SLC1A2: variants seen among roughly 807,000 people sequenced by gnomAD.
SLC1A2 encodes solute carrier family 1 member 2.
SLC1A2 carries 15 observed loss-of-function variants against 48.8 expected under a neutral mutation model. That is an observed-to-expected ratio of 0.31 (90% CI 0.21 to 0.47). The LOEUF is 0.47. Among genes scored for constraint, SLC1A2 ranks in the 20% least tolerant of loss-of-function variants. The pLI is 0.99. For synonymous variants in SLC1A2, 279 were observed against 272.6 expected (o/e 1.02, Z -0.23); for missense variants, 502 against 730.5 (o/e 0.69, Z 3.61).
chr11:35,411,668 G>A (rs372433865), intron 1 of SLC1A2, among the ~76,000 whole-genome samples: 1 of 151,718 alleles, frequency 6.6e-6, no homozygotes. Context: ...ATCTGCAGCA[G>A]TTAGCTTTCC....
At chr11:35,317,567 C>A in intron 1 of SLC1A2, 51 bp from the exon 2 acceptor site, 2 of 1,579,296 alleles carry the variant, frequency 1.3e-6, no homozygotes, top group Admixed American at 1.7e-5. Flanking sequence ...CTCCCCTATA[C>A]AGTTTCAGGG....
intron 9 of SLC1A2, among the ~76,000 whole-genome samples, chr11:35,271,488 T>C (rs1850278315): frequency 6.6e-6 from 1 of 152,152 alleles, no homozygotes; most frequent in African/African-American, 2.4e-5. Flanking sequence ...TAAAGGAAAC[T>C]AGAAGAGTTT....
At chr11:35,282,235 G>A (rs531240658) in intron 8 of SLC1A2, among the ~76,000 whole-genome samples, 37 of 152,130 alleles carry the variant, frequency 2.4e-4, no homozygotes, top group Admixed American at 1.9e-3. Flanking sequence ...AAGGCTCAGA[G>A]CACTCCAATT....
chr11:35,275,344 T>C (rs1215283856), intron 9 of SLC1A2, among the ~76,000 whole-genome samples: 1 of 152,230 alleles, frequency 6.6e-6, no homozygotes, highest in African/African-American at 2.4e-5. Flanking sequence ...ATTTTCCTTT[T>C]CCTACCTGTA....
chr11:35,391,583 A>G (rs1025454191), intron 1 of SLC1A2: 1 of 152,242 alleles, frequency 6.6e-6, no homozygotes, highest in African/African-American at 2.4e-5. Flanking sequence ...GGGAGAACCA[A>G]TCAGCCCACC....
chr11:35,367,486 C>T (rs1435142972), intron 1 of SLC1A2, among the ~76,000 whole-genome samples: 3 of 152,220 alleles, frequency 2.0e-5, no homozygotes, highest in South Asian at 2.1e-4. Flanking sequence ...CCAAAGCAAA[C>T]TCCATTTTCC....
intron 1 of SLC1A2, among the ~76,000 whole-genome samples, chr11:35,356,241 C>T (rs1033689969): frequency 1.3e-5 from 2 of 152,178 alleles, no homozygotes; most frequent in African/African-American, 4.8e-5. Context: ...CCAAATTCAT[C>T]CTCACAAACT....
intron 1 of SLC1A2, among the ~76,000 whole-genome samples, chr11:35,410,668 G>C (rs1855430322): frequency 3.3e-5 from 5 of 152,064 alleles, no homozygotes. Flanking sequence ...GCCTTGCCCT[G>C]TACCGAGGGC....
At chr11:35,419,789 G>T (rs1374646850), upstream of SLC1A2, 3 of 320,282 alleles carry the variant, frequency 9.4e-6, no homozygotes, top group Non-Finnish European at 1.3e-5. This position sits in a 1 kb window ranked among gnomAD's most constrained non-coding sequence, Gnocchi z 5.4. Context: ...CACCCCGTGC[G>T]GGGTGAAGCG....
intron 1 of SLC1A2, among the ~76,000 whole-genome samples, chr11:35,329,270 A>G (rs561965029): frequency 1.3e-5 from 2 of 152,244 alleles, no homozygotes; most frequent in African/African-American, 2.4e-5. Context: ...AATACTTTGT[A>G]TGTTACTATA....
intron 1 of SLC1A2, among the ~76,000 whole-genome samples, chr11:35,412,946 C>A (rs1855507770): frequency 1.3e-5 from 2 of 151,886 alleles, no homozygotes; most frequent in South Asian, 4.2e-4. Context: ...ACAACCCAGA[C>A]CAAAGTTAAA....
chr11:35,402,784 G>A (rs191816656), intron 1 of SLC1A2, among the ~76,000 whole-genome samples: 15 of 152,260 alleles, frequency 9.9e-5, no homozygotes, highest in African/African-American at 2.6e-4. Context: ...GCCTGGTGTC[G>A]GGAAAGACAC....
intron 1 of SLC1A2, among the ~76,000 whole-genome samples, chr11:35,404,983 G>A (rs1773020497): frequency 6.6e-6 from 1 of 151,978 alleles, no homozygotes; most frequent in South Asian, 2.1e-4. Context: ...GGATGATGAG[G>A]ATAGCTTCAG....
chr11:35,279,574 C>CTACATATGTATGTACA (rs1371628088), intron 9 of SLC1A2, among the ~76,000 whole-genome samples: 1 of 152,172 alleles, frequency 6.6e-6, no homozygotes, highest in Non-Finnish European at 1.5e-5. Flanking sequence ...CCCCGTCTCC[C>CTACATATGTATGTACA]TACATACACC....
chr11:35,290,849 G>A (rs1850978746), intron 7 of SLC1A2, among the ~76,000 whole-genome samples: 1 of 151,934 alleles, frequency 6.6e-6, no homozygotes, highest in Admixed American at 6.5e-5. Context: ...AAAGAATCTA[G>A]ACCCTTAAGA....
chr11:35,276,868 T>A (rs1850457693), intron 9 of SLC1A2, among the ~76,000 whole-genome samples: 1 of 152,202 alleles, frequency 6.6e-6, no homozygotes, highest in Non-Finnish European at 1.5e-5. Context: ...TGTGTCTTAG[T>A]CTGTGCTGCT....
At chr11:35,281,104 C>T (rs1441422372) in intron 8 of SLC1A2, 103 bp from the exon 9 acceptor site, 27 of 1,415,216 alleles carry the variant, frequency 1.9e-5, no homozygotes, top group Non-Finnish European at 3.7e-6. Flanking sequence ...TAAAATTCAT[C>T]CCCCAACCCC....
intron 1 of SLC1A2, among the ~76,000 whole-genome samples, chr11:35,358,797 C>T (rs1295610201): frequency 2.0e-5 from 3 of 151,972 alleles, no homozygotes; most frequent in Non-Finnish European, 2.9e-5. Flanking sequence ...AAGTACTAGC[C>T]ATTTTTTCCA....
chr11:35,370,928 T>C, intron 1 of SLC1A2: 1 of 982,116 alleles, frequency 1.0e-6, no homozygotes, highest in African/African-American at 1.7e-5. Flanking sequence ...ACATGAAATA[T>C]ATGAAAACTT....
Sources: allele counts gnomAD v4.1 joint callset (sites outside exome capture counted in the v4.1 genomes callset), GRCh38; gene constraint gnomAD v4.1.1; non-coding constraint Gnocchi (gnomAD v3.1); transcripts MANE v1.5; gene names NCBI Gene and HGNC (gene_info 2026-07-23, HGNC 2026-07-21).